CAVIN2: variants seen among roughly 807,000 people sequenced by gnomAD.
CAVIN2 encodes caveolae associated protein 2.
CAVIN2 carries 13 observed loss-of-function variants against 11.7 expected under a neutral mutation model. That is an observed-to-expected ratio of 1.11 (90% CI 0.72 to 1.77). The LOEUF is 1.77. CAVIN2 is among the 40% of genes most tolerant of loss of function. The pLI is 0.00. For synonymous variants in CAVIN2, 237 were observed against 223.2 expected, an observed-to-expected ratio of 1.06 and a Z score of -0.55; for missense variants, 549 against 542.9, an observed-to-expected ratio of 1.01 and a Z score of -0.11.
intron 1 of CAVIN2, among the ~76,000 whole-genome samples, chr2:191,843,188 A>G (rs1690117377): frequency 6.6e-6 from 1 of 152,146 alleles, no homozygotes; most frequent in Non-Finnish European, 1.5e-5. Flanking sequence ...CGTCTCAAAG[A>G]AAAAAAAGAA....
chr2:191,846,966 T>G lies in CAVIN2; in HGVS notation c.-41A>C, dbSNP rs1559031716. 3.2e-6 allele frequency: 5 copies of G among 1,553,980 alleles called. No individual in the cohort carries two copies. The highest frequency in any genetic ancestry group is 1.4e-5 in the African/African-American group (1 of 73,144). On this transcript the variant is annotated 5_prime_UTR_variant, in exon 1 of 2. Coordinates refer to ENST00000304141, the MANE Select transcript of CAVIN2 (RefSeq NM_004657.6). ...AACGTTCTTTCTCTCTGGGAGCTGCTTCTTGCTCGGGTGAGAAGTTGCGGT... is the reference window on the plus strand; with the variant it reads ...AACGTTCTTTCTCTCTGGGAGCTGCGTCTTGCTCGGGTGAGAAGTTGCGGT...
Position 191,836,456 on chromosome 2 carries a change from G to C in CAVIN2, c.745C>G (p.Gln249Glu). 1 of 1,614,066 alleles carries C rather than the reference G, an allele frequency of 6.2e-7. No homozygotes were observed. The highest frequency in any genetic ancestry group is 1.1e-5 in the South Asian group (1 of 91,080). The change falls in exon 2 of 2, where the codon CAG becomes GAG. Residue 249 changes from glutamine (Q) to glutamate (E), a missense_variant. Gln to Glu is a conservative substitution (Grantham distance 29). Coordinates refer to ENST00000304141, the MANE Select transcript of CAVIN2 (RefSeq NM_004657.6). ...VDSLKKAFSR[Q>E]NIEKKMNKLG... ...TTGTTCATCTTTTTCTCGATGTTCT[G>C]GCGAGAAAATGCTTTCTTGAGGCTA...
In CAVIN2 at chr2:191,846,851, G is replaced by C. The variant is rs1690176307; in HGVS notation, c.75C>G (p.Ser25Arg). Residue 25 changes from serine to arginine, a missense_variant, in exon 1 of 2, where the codon AGC becomes AGG. Ser to Arg is a moderately radical substitution (Grantham distance 110, BLOSUM62 -1). Transcript: ENST00000304141. The part of the protein sequence containing the change: ...GSDMRQEKPS[S>R]PSPMPSSTPS... ...GTGTGGAGGAAGGCATCGGGCTGGG[G>C]CTCGAGGGCTTTTCCTGCCGCATGT... is the stretch of plus-strand genomic sequence containing the variant. 3 of 1,614,056 alleles carry C rather than the reference G, an allele frequency of 1.9e-6. No homozygotes were observed. The highest frequency in any genetic ancestry group is 1.7e-6 in the Non-Finnish European group (2 of 1,180,038).
At chr2:191,840,797 AG>A (rs1302981241) in intron 1 of CAVIN2, among the ~76,000 whole-genome samples, 14 of 152,238 alleles carry the variant, frequency 9.2e-5, no homozygotes, top group African/African-American at 3.4e-4. Flanking sequence ...GTCATTTAAA[AG>A]CTTGAATAAG....
At position 191,834,836 on chromosome 2, in the gene CAVIN2, G is replaced by GCAT. The variant is rs1689988693; in HGVS notation, c.*1084_*1086dup. 1.3e-5 allele frequency: 2 copies of GCAT among 152,010 alleles called. No individual in the cohort carries two copies. The highest frequency in any genetic ancestry group is 1.3e-4 in the Admixed American group (2 of 15,264). The allele number at this position is 152,010 out of a possible 1,614,324, so 9.4% of individuals were successfully genotyped here. A position where few individuals can be genotyped will look rare whatever the true frequency, so the allele number is the denominator to read the frequency against. ...TCACTTCCAAAACCTATAGATTTTA[G>GCAT]CATCTTATAAGCCTACATCACATCA... On this transcript the variant is annotated 3_prime_UTR_variant, in exon 2 of 2. Transcript: ENST00000304141.
chr2:191,836,142 C>G lies in CAVIN2; in HGVS notation c.1059G>C (p.Glu353Asp). Residue 353 changes from glutamate (E) to aspartate (D), a missense_variant, in exon 2 of 2, where the codon GAG becomes GAC. Glu to Asp is a conservative substitution (Grantham distance 45). Coordinates refer to ENST00000304141, the MANE Select transcript of CAVIN2 (RefSeq NM_004657.6). ...ASALVEGEIA[E>D]EAAEKATSRG... ...TGGAGGTCGCCTTCTCAGCAGCCTC[C>G]TCTGCAATTTCCCCTTCCACCAGAG... is the stretch of plus-strand genomic sequence containing the variant. 6.2e-7 allele frequency: 1 copy of G among 1,614,244 alleles called. No homozygotes were observed. Among genetic ancestry groups the G allele is most frequent in the Non-Finnish European group, 8.5e-7 (1 of 1,180,044 alleles).
intron 1 of CAVIN2, among the ~76,000 whole-genome samples, chr2:191,838,021 G>A (rs954329809): frequency 1.3e-5 from 2 of 152,196 alleles, no homozygotes; most frequent in Non-Finnish European, 2.9e-5. Flanking sequence ...TGCCAGAGGG[G>A]GGCAAAGCTC....
chr2:191,840,381 C>G (rs1690076629), intron 1 of CAVIN2, among the ~76,000 whole-genome samples: 1 of 152,202 alleles, frequency 6.6e-6, no homozygotes, highest in South Asian at 2.1e-4. Context: ...CCCAAGAGAG[C>G]TGATTATTTA....
At chr2:191,842,101 G>C (rs990482296) in intron 1 of CAVIN2, among the ~76,000 whole-genome samples, 2 of 152,254 alleles carry the variant, frequency 1.3e-5, no homozygotes, top group East Asian at 1.9e-4. Context: ...TAAAGTACAG[G>C]CTTTTTAAAA....
In CAVIN2 at chr2:191,846,856, A is replaced by C. The variant is rs1295637099; in HGVS notation, c.70T>G (p.Ser24Ala). The C allele has an allele frequency of 6.2e-7, 1 of 1,614,060 alleles. No homozygotes were observed. ...GAGGAAGGCATCGGGCTGGGGCTCG[A>C]GGGCTTTTCCTGCCGCATGTCAGAC... ...PGSDMRQEKP[S>A]SPSPMPSSTP... The change falls in exon 1 of 2, where the codon TCG becomes GCG. Residue 24 changes from serine to alanine, a missense_variant. Physicochemically the swap from Ser to Ala is moderately conservative, Grantham distance 99 (BLOSUM62 1). Transcript: ENST00000304141.
intron 1 of CAVIN2, 50 bp from the exon 2 acceptor site, chr2:191,836,767 T>C: frequency 6.6e-7 from 1 of 1,526,020 alleles, no homozygotes; most frequent in Non-Finnish European, 8.9e-7. Flanking sequence ...ATTTCACAAA[T>C]AGTCCTGAGC....
In CAVIN2 at chr2:191,846,582, A is replaced by C; in HGVS notation, c.344T>G (p.Leu115Arg). The part of the protein sequence containing the change: ...ASTSNTVSKL[L>R]EKSRKVSAHT... Reference sequence around the variant, plus strand: ...GGCGCTGACCTTGCGGGACTTCTCCAGCAGCTTGCTCACCGTGTTGCTGGT... The same window carrying C: ...GGCGCTGACCTTGCGGGACTTCTCCCGCAGCTTGCTCACCGTGTTGCTGGT... The change falls in exon 1 of 2, where the codon CTG becomes CGG. Residue 115 changes from leucine (L) to arginine (R), a missense_variant. By Grantham distance (102) the Leu-to-Arg change is moderately radical. Coordinates refer to ENST00000304141, the MANE Select transcript of CAVIN2 (RefSeq NM_004657.6). 1 of 1,614,252 alleles carries C rather than the reference A, an allele frequency of 6.2e-7. No individual in the cohort carries two copies. Among genetic ancestry groups the C allele is most frequent in the Non-Finnish European group, 8.5e-7 (1 of 1,180,050 alleles).
chr2:191,840,841 C>T (rs1035990528), intron 1 of CAVIN2, among the ~76,000 whole-genome samples: 13 of 152,242 alleles, frequency 8.5e-5, no homozygotes, highest in Non-Finnish European at 1.5e-5. Flanking sequence ...TTTCCTGTCA[C>T]TAACTCATCA....
chr2:191,841,553 C>A (rs1162600752), intron 1 of CAVIN2, among the ~76,000 whole-genome samples: 2 of 152,148 alleles, frequency 1.3e-5, no homozygotes, highest in Non-Finnish European at 2.9e-5. Context: ...ATGTTTGATT[C>A]TGTGATGTTA....
intron 1 of CAVIN2, among the ~76,000 whole-genome samples, chr2:191,843,879 AG>A (rs1373792088): frequency 2.0e-5 from 3 of 152,226 alleles, no homozygotes; most frequent in Non-Finnish European, 2.9e-5. Flanking sequence ...GAGAGATAGG[AG>A]GGAAGAAGCA....
chr2:191,835,082 AT>A lies in CAVIN2; in HGVS notation c.*840del, dbSNP rs1689992734. ...CACTATAAAATGTTTATTATTAAAA[AT>A]ATTAGAAAATAAAAATATTTTGAAG... On this transcript the variant is annotated 3_prime_UTR_variant, in exon 2 of 2. Transcript: ENST00000304141. The A allele has an allele frequency of 6.6e-6, 1 of 152,100 alleles. No homozygotes were observed. The highest frequency in any genetic ancestry group is 6.5e-5 in the Admixed American group (1 of 15,278). 9.4% of individuals were successfully genotyped at this position (152,100 alleles called of 1,614,324 possible).
intron 1 of CAVIN2, among the ~76,000 whole-genome samples, chr2:191,842,281 G>A (rs1329067287): frequency 6.6e-6 from 1 of 152,150 alleles, no homozygotes; most frequent in Non-Finnish European, 1.5e-5. Context: ...ATTTTATGTG[G>A]ACGAAAGTGT....
chr2:191,838,328 TAAC>T (rs1334993733), intron 1 of CAVIN2, among the ~76,000 whole-genome samples: 1 of 152,208 alleles, frequency 6.6e-6, no homozygotes, highest in Non-Finnish European at 1.5e-5. Context: ...CTCTCCTTGT[TAAC>T]AACTGAATGG....
chr2:191,842,759 A>G (rs1200789249), intron 1 of CAVIN2, among the ~76,000 whole-genome samples: 1 of 152,282 alleles, frequency 6.6e-6, no homozygotes, highest in Non-Finnish European at 1.5e-5. Context: ...ACTACTGGTT[A>G]TAATTTAAAG....
Sources: gnomAD v4.1 joint callset for allele counts (sites outside exome capture counted in the v4.1 genomes callset) on GRCh38, gnomAD v4.1.1 for gene constraint, MANE v1.5 for transcripts, NCBI Gene and HGNC (gene_info 2026-07-23, HGNC 2026-07-21) for gene names.